Variants in FANCC observed in about 807,000 individuals in gnomAD.
The protein encoded by FANCC is Fanconi anemia group C protein.
FANCC carries 55 observed loss-of-function variants against 71.3 expected under a neutral mutation model. The ratio of observed to expected loss-of-function variants is 0.77; its 90% CI spans 0.62 to 0.97. The LOEUF (loss-of-function observed/expected upper bound fraction) is 0.97. FANCC is among the 50% of genes least tolerant of loss of function. The probability of loss-of-function intolerance (pLI) is 0.00; values close to 1 mark genes in which losing one functional copy is unlikely to be tolerated. For missense variants in FANCC, 678 were observed against 670.9 expected, an observed-to-expected ratio of 1.01 and a Z score of -0.12; for synonymous variants, 275 against 244.9, an observed-to-expected ratio of 1.12 and a Z score of -1.15.
chr9:95,295,351 AAAAC>A (rs1249632105), intron 1 of FANCC, among the ~76,000 whole-genome samples: 1 of 152,192 alleles, frequency 6.6e-6, no homozygotes, highest in Non-Finnish European at 1.5e-5. Flanking sequence ...ATACCAAAAC[AAAAC>A]AAAAAACAAA....
chr9:95,229,523 T>A (rs1829858805), intron 4 of FANCC, among the ~76,000 whole-genome samples: 1 of 152,152 alleles, frequency 6.6e-6, no homozygotes, highest in African/African-American at 2.4e-5. Flanking sequence ...CCAAGGATGA[T>A]GCCAGGGCTT....
intron 1 of FANCC, among the ~76,000 whole-genome samples, chr9:95,268,743 G>T (rs1346060840): frequency 1.3e-5 from 2 of 152,112 alleles, no homozygotes; most frequent in African/African-American, 4.8e-5. Context: ...CTGGAAAGCA[G>T]AGCTCAGACA....
chr9:95,210,173 A>C (rs1014445157), intron 4 of FANCC, among the ~76,000 whole-genome samples: 1 of 152,206 alleles, frequency 6.6e-6, no homozygotes, highest in South Asian at 2.1e-4. Flanking sequence ...AAATCAATAC[A>C]TAGCAAAACT....
intron 1 of FANCC, among the ~76,000 whole-genome samples, chr9:95,262,108 C>T (rs1832086531): frequency 6.6e-6 from 1 of 152,114 alleles, no homozygotes; most frequent in African/African-American, 2.4e-5. Flanking sequence ...ACACCACTGT[C>T]CACAGGGGCT....
chr9:95,117,475 C>CA, intron 10 of FANCC, 85 bp from the exon 11 acceptor site: 2 of 1,039,762 alleles, frequency 1.9e-6, no homozygotes, highest in Non-Finnish European at 2.9e-6. Flanking sequence ...GTCCTCTGCC[C>CA]AAAAAAGACC....
chr9:95,313,557 A>C (rs1835546338), intron 1 of FANCC, among the ~76,000 whole-genome samples: 1 of 152,220 alleles, frequency 6.6e-6, no homozygotes, highest in African/African-American at 2.4e-5. Flanking sequence ...TTGAAGAAAA[A>C]AAAATACCAA....
At position 95,107,181 on chromosome 9, in the gene FANCC, T is replaced by C. The variant is rs1588029264; in HGVS notation, c.1418A>G (p.Gln473Arg). The C allele has an allele frequency of 6.2e-7, 1 of 1,614,200 alleles. No homozygotes were observed. The highest frequency in any genetic ancestry group is 1.1e-5 in the South Asian group (1 of 91,076). ...AGCTCTGAGGTCTGTGTCTGTGCCCTGTCCTGCTACCGTCTGCAGGTCCTG... is the reference window on the plus strand; with the variant it reads ...AGCTCTGAGGTCTGTGTCTGTGCCCCGTCCTGCTACCGTCTGCAGGTCCTG... ...SAQDLQTVAGQGTDTDLRAPA... is the reference protein window; with the variant it reads ...SAQDLQTVAGRGTDTDLRAPA... Residue 473 changes from glutamine to arginine, a missense_variant, in exon 14 of 15, where the codon CAG becomes CGG. By Grantham distance (43) the Gln-to-Arg change is conservative (BLOSUM62 1). Transcript: ENST00000289081.
chr9:95,144,489 G>A lies in FANCC; in HGVS notation c.686+5434C>T, dbSNP rs117086868. On this transcript the variant is annotated intron_variant, in intron 7 of 14. Coordinates refer to ENST00000289081, the MANE Select transcript of FANCC (RefSeq NM_000136.3). ...CAGCGTCCCTCTGAGCACTGTGCTA[G>A]AGCAGGAGTAGCTGTTCTCTGGGCA... Among the ~76,000 whole-genome samples, 278 of 152,346 alleles carry A rather than the reference G, an allele frequency of 1.8e-3. 4 individuals are homozygous for A. The East Asian group carries it at 0.032, about 18-fold the overall frequency.
At chr9:95,315,452 G>A (rs1835681866) in intron 1 of FANCC, among the ~76,000 whole-genome samples, 1 of 152,158 alleles carries the variant, frequency 6.6e-6, no homozygotes, top group African/African-American at 2.4e-5. Context: ...TCGAACTCCT[G>A]GGATCAAGTG....
At chr9:95,149,883 GAA>G (rs775097304) in intron 7 of FANCC, 38 bp downstream of exon 7, 1 of 1,561,654 alleles carries the variant, frequency 6.4e-7, no homozygotes, top group Admixed American at 1.9e-5. Context: ...CTAAGAAAAG[GAA>G]AAACGACGCA....
chr9:95,292,345 C>T, intron 1 of FANCC: 1 of 902,830 alleles, frequency 1.1e-6, no homozygotes. Context: ...GCCATGGCGG[C>T]CTCGGAGGCG....
At chr9:95,151,528 T>A (rs1001942315) in intron 6 of FANCC, among the ~76,000 whole-genome samples, 1 of 152,198 alleles carries the variant, frequency 6.6e-6, no homozygotes, top group Admixed American at 6.5e-5. Flanking sequence ...AATGCCACTA[T>A]CAGTAGGCAC....
At chr9:95,280,321 T>G (rs1042543520) in intron 1 of FANCC, among the ~76,000 whole-genome samples, 4 of 152,108 alleles carry the variant, frequency 2.6e-5, no homozygotes, top group African/African-American at 4.8e-5. Flanking sequence ...AATTGAATAT[T>G]AATCGCTGGA....
chr9:95,139,010 C>T lies in FANCC; in HGVS notation c.687-3508G>A, dbSNP rs186807508. On this transcript the variant is annotated intron_variant, in intron 7 of 14. Coordinates refer to ENST00000289081, the MANE Select transcript of FANCC (RefSeq NM_000136.3). ...AGATTTTGCTCTAAAACCTCAGTGACTTAACTCTTTGTAATCACCCCTGAA... is the reference window on the plus strand; with the variant it reads ...AGATTTTGCTCTAAAACCTCAGTGATTTAACTCTTTGTAATCACCCCTGAA... Among the ~76,000 whole-genome samples, 181 of 152,330 alleles carry T rather than the reference C, an allele frequency of 1.2e-3. 1 individual carries two copies. Among genetic ancestry groups the T allele is most frequent in the Non-Finnish European group, 7.6e-4 (52 of 68,040 alleles).
Position 95,212,252 on chromosome 9 carries a change from T to G in FANCC, c.345+28397A>C, listed in dbSNP as rs530423016. ...CTGATGAAAACTATAAATGCACAAA[T>G]AGAGGAATCTCGAAAGACTCCAGCT... On this transcript the variant is annotated intron_variant, in intron 4 of 14. Coordinates refer to ENST00000289081, the MANE Select transcript of FANCC (RefSeq NM_000136.3). Among the ~76,000 whole-genome samples the G allele has an allele frequency of 2.0e-5, 3 of 152,072 alleles. No individual in the cohort carries two copies. The South Asian group carries it at 6.2e-4, about 32-fold the overall frequency.
At chr9:95,218,333 TAC>T (rs1355817180) in intron 4 of FANCC, among the ~76,000 whole-genome samples, 1 of 152,036 alleles carries the variant, frequency 6.6e-6, no homozygotes, top group Non-Finnish European at 1.5e-5. Context: ...GCTGCAGAGG[TAC>T]ATGCCTGTAG....
intron 4 of FANCC, among the ~76,000 whole-genome samples, chr9:95,199,582 G>A (rs1195194829): frequency 1.3e-5 from 2 of 152,164 alleles, no homozygotes; most frequent in East Asian, 1.9e-4. Context: ...TTTGCCTCCT[G>A]AACCATCTGA....
chr9:95,269,154 A>G (rs1249378207), intron 1 of FANCC, among the ~76,000 whole-genome samples: 1 of 152,230 alleles, frequency 6.6e-6, no homozygotes, highest in African/African-American at 2.4e-5. Flanking sequence ...TTACCACAGT[A>G]AAATGAATGT....
At chr9:95,155,324 GGGGAGGAA>G (rs1306326175) in intron 6 of FANCC, among the ~76,000 whole-genome samples, 1 of 63,362 alleles carries the variant, frequency 1.6e-5, no homozygotes, top group Non-Finnish European at 3.2e-5. Context: ...GGGGAGGGGA[GGGGAGGAA>G]GGAAGGGAGG....
Sources: gnomAD v4.1 joint callset for allele counts (sites outside exome capture counted in the v4.1 genomes callset) on GRCh38, gnomAD v4.1.1 for gene constraint, MANE v1.5 for transcripts, NCBI Gene and HGNC (gene_info 2026-07-23, HGNC 2026-07-21) for gene names.